Variants in SOBP observed in about 807,000 individuals in gnomAD.
The protein encoded by SOBP is sine oculis binding protein homolog.
Under a neutral mutation model 53.6 loss-of-function variants are expected in SOBP, and 4 were observed. The ratio of observed to expected loss-of-function variants is 0.07; its 90% CI spans 0.04 to 0.17. The LOEUF (loss-of-function observed/expected upper bound fraction) is 0.17. SOBP is among the 10% of genes least tolerant of loss of function. The pLI is 1.00. For missense variants in SOBP, 1,088 were observed against 1,204.7 expected, an observed-to-expected ratio of 0.90 and a Z score of 1.43; for synonymous variants, 584 against 522.6, an observed-to-expected ratio of 1.12 and a Z score of -1.60.
At chr6:107,499,260 C>T (rs940795946) in intron 1 of SOBP, among the ~76,000 whole-genome samples, 3 of 152,084 alleles carry the variant, frequency 2.0e-5, no homozygotes, top group African/African-American at 7.2e-5. Context: ...TCTCTCATGC[C>T]TGTCTTTTAC....
At chr6:107,587,286 T>G (rs926950876) in intron 5 of SOBP, 111 bp downstream of exon 5, 24 of 863,644 alleles carry the variant, frequency 2.8e-5, no homozygotes, top group Non-Finnish European at 4.4e-5. Flanking sequence ...TATAGTTTTC[T>G]GTATAGAGTT....
At chr6:107,554,389 C>G (rs191027222) in intron 4 of SOBP, among the ~76,000 whole-genome samples, 25 of 152,280 alleles carry the variant, frequency 1.6e-4, no homozygotes, top group Admixed American at 4.6e-4. Context: ...TGGGGAAGCT[C>G]TAGTCGTGGT....
chr6:107,578,484 G>C (rs1785305043), intron 4 of SOBP, among the ~76,000 whole-genome samples: 1 of 152,166 alleles, frequency 6.6e-6, no homozygotes, highest in Non-Finnish European at 1.5e-5. Flanking sequence ...GACTGCCTGG[G>C]TTTGAATCCT....
intron 5 of SOBP, among the ~76,000 whole-genome samples, chr6:107,590,464 G>C (rs1417870569): frequency 2.0e-5 from 3 of 152,208 alleles, no homozygotes; most frequent in Admixed American, 6.5e-5. Flanking sequence ...GGCTTAGGAA[G>C]TTTGAAAGGG....
chr6:107,635,374 A>G lies in SOBP; in HGVS notation c.2530A>G (p.Ile844Val). The change falls in exon 6 of 7, where the codon ATC becomes GTC. Residue 844 changes from isoleucine to valine, a missense_variant. Ile to Val is a conservative substitution (Grantham distance 29). This residue lies in a region of SOBP where 665 missense variants were observed against 629.7 expected (regional missense o/e 1.06). Transcript: ENST00000317357. The surrounding 1 kb of genome is among the most constrained non-coding windows in gnomAD (Gnocchi z 4.5). ...PAEKAAMAPCIISSPMLSAGP... is the reference protein window; with the variant it reads ...PAEKAAMAPCVISSPMLSAGP... ...GGAGAAGGCTGCCATGGCACCGTGC[A>G]TCATCTCCTCGCCCATGCTCAGCGC... is the stretch of plus-strand genomic sequence containing the variant. 1 of 1,613,520 alleles carries G rather than the reference A, an allele frequency of 6.2e-7. No homozygotes were observed. Among genetic ancestry groups the G allele is most frequent in the Non-Finnish European group, 8.5e-7 (1 of 1,180,018 alleles).
intron 5 of SOBP, among the ~76,000 whole-genome samples, chr6:107,598,342 G>A (rs1472425570): frequency 6.6e-6 from 1 of 152,176 alleles, no homozygotes; most frequent in Non-Finnish European, 1.5e-5. Context: ...ATGATGGCCT[G>A]GAGTCATCAG....
chr6:107,635,315 C>T lies in SOBP; in HGVS notation c.2471C>T (p.Thr824Ile), dbSNP rs1770987560. 1 of 1,613,618 alleles carries T rather than the reference C, an allele frequency of 6.2e-7. No homozygotes were observed. The highest frequency in any genetic ancestry group is 1.7e-5 in the Admixed American group (1 of 60,010). ...HAYALRMLPK[T>I]GCVIQPVPKP... ...TATGCTCTGCGGATGCTGCCCAAGACCGGCTGCGTGATCCAGCCTGTGCCA... is the reference window on the plus strand; with the variant it reads ...TATGCTCTGCGGATGCTGCCCAAGATCGGCTGCGTGATCCAGCCTGTGCCA... Residue 824 changes from threonine (T) to isoleucine (I), a missense_variant, in exon 6 of 7, where the codon ACC becomes ATC. Around this residue, in one of 6 missense-constraint regions of SOBP, gnomAD observed 665 missense variants for 629.7 expected, o/e 1.06. Coordinates refer to ENST00000317357, the MANE Select transcript of SOBP (RefSeq NM_018013.4). The surrounding 1 kb of genome is among the most constrained non-coding windows in gnomAD (Gnocchi z 4.5).
rs116323187 is a variant in SOBP, at chr6:107,543,469, G to T, written c.573+9859G>T. Among the ~76,000 whole-genome samples the T allele has an allele frequency of 2.3e-3, 356 of 152,342 alleles. 2 individuals carry two copies. The highest frequency in any genetic ancestry group is 8.0e-3 in the African/African-American group (333 of 41,578). The stretch of plus-strand genomic sequence containing the variant: ...ATTGGGAGGGTGGGCTATGACGAGA[G>T]AGAGCAATGGAATGTCTAGCATGAG... On this transcript the variant is annotated intron_variant, in intron 4 of 6. Coordinates refer to ENST00000317357, the MANE Select transcript of SOBP (RefSeq NM_018013.4).
At chr6:107,576,842 T>C (rs754639845) in intron 4 of SOBP, among the ~76,000 whole-genome samples, 4 of 152,246 alleles carry the variant, frequency 2.6e-5, no homozygotes, top group Non-Finnish European at 5.9e-5. Flanking sequence ...AGCATTTCTG[T>C]GGTTGCTGGT....
chr6:107,637,890 A>T (rs1017575841), intron 6 of SOBP, among the ~76,000 whole-genome samples: 1 of 152,234 alleles, frequency 6.6e-6, no homozygotes, highest in Non-Finnish European at 1.5e-5. Context: ...AAAAATATCA[A>T]CCTGGCTCCA....
chr6:107,646,270 C>G (rs1405470682), intron 6 of SOBP, among the ~76,000 whole-genome samples: 1 of 152,232 alleles, frequency 6.6e-6, no homozygotes, highest in African/African-American at 2.4e-5. Context: ...GAAGAACTTT[C>G]TTTGTGCTAA....
chr6:107,559,684 A>G (rs1214733112), intron 4 of SOBP, among the ~76,000 whole-genome samples: 1 of 152,190 alleles, frequency 6.6e-6, no homozygotes, highest in Non-Finnish European at 1.5e-5. Context: ...TCATGGTTGG[A>G]GTAATTATCT....
rs536852911 is a variant in SOBP at position 107,643,301 on chromosome 6, C to G, written c.*3+7832C>G. 2.6e-5 allele frequency among the ~76,000 whole-genome samples: 4 copies of G among 152,248 alleles called. No homozygotes were observed. The East Asian group carries it at 7.7e-4, about 29-fold the overall frequency. ...CAACAAGCTCTTTTGATATTTTAAA[C>G]CCGTATTTAGAGTAATTTCAAGATA... is the stretch of plus-strand genomic sequence containing the variant. On this transcript the variant is annotated intron_variant, in intron 6 of 6. Transcript: ENST00000317357.
At chr6:107,535,685 GCTT>G (rs1232914946) in intron 4 of SOBP, among the ~76,000 whole-genome samples, 1 of 148,728 alleles carries the variant, frequency 6.7e-6, no homozygotes, top group East Asian at 2.0e-4. Flanking sequence ...TCATTTGTTG[GCTT>G]CTTTTTTTTT....
chr6:107,645,011 T>C (rs182220590), intron 6 of SOBP, among the ~76,000 whole-genome samples: 330 of 152,252 alleles, frequency 2.2e-3, no homozygotes, highest in African/African-American at 7.7e-3. Context: ...TGAAAGACTA[T>C]GAAAAATTTT....
At chr6:107,533,680 C>G (rs967416209) in intron 4 of SOBP, 70 bp downstream of exon 4, 4 of 1,591,708 alleles carry the variant, frequency 2.5e-6, no homozygotes, top group Admixed American at 1.7e-5. Flanking sequence ...TGCCTCATAG[C>G]TTCTAGCGGA....
intron 5 of SOBP, among the ~76,000 whole-genome samples, chr6:107,605,127 C>T (rs184045612): frequency 1.6e-3 from 241 of 152,290 alleles, no homozygotes; most frequent in African/African-American, 5.6e-3. Context: ...GATTAGCCAT[C>T]AACCAGACAG....
chr6:107,557,463 T>C (rs868656759), intron 4 of SOBP, among the ~76,000 whole-genome samples: 14 of 152,202 alleles, frequency 9.2e-5, no homozygotes, highest in African/African-American at 3.4e-4. Flanking sequence ...ATATAGCCAT[T>C]TGGAAAGTGT....
intron 6 of SOBP, among the ~76,000 whole-genome samples, chr6:107,638,316 T>C (rs1771148332): frequency 6.6e-6 from 1 of 152,234 alleles, no homozygotes; most frequent in African/African-American, 2.4e-5. Context: ...GTTCAAGTGA[T>C]TCTCCTGCCT....
Sources: allele counts gnomAD v4.1 joint callset (sites outside exome capture counted in the v4.1 genomes callset), GRCh38; gene constraint gnomAD v4.1.1; regional missense constraint gnomAD v4.1.1; non-coding constraint Gnocchi (gnomAD v3.1); transcripts MANE v1.5; gene names NCBI Gene and HGNC (gene_info 2026-07-23, HGNC 2026-07-21).